The following HS6ST2 variants were observed in gnomAD, a reference collection of about 807,000 sequenced individuals.
The protein encoded by HS6ST2 is heparan sulfate 6-O-sulfotransferase 2.
In HS6ST2, 17 loss-of-function variants were observed where a neutral mutation model predicts 33.0. The observed-to-expected ratio is 0.52, with a 90% CI of 0.35 to 0.77. HS6ST2 has a LOEUF of 0.77. HS6ST2 is among the 30% of genes least tolerant of loss of function. The pLI, the probability that HS6ST2 is intolerant of heterozygous loss-of-function variation, is 0.01. For synonymous variants in HS6ST2, 248 were observed against 237.1 expected, an observed-to-expected ratio of 1.05 and a Z score of -0.42; for missense variants, 519 against 551.7, an observed-to-expected ratio of 0.94 and a Z score of 0.59.
At chrX:132,875,783 T>C (rs1412088078) in intron 2 of HS6ST2, among the ~76,000 whole-genome samples, 2 of 112,367 alleles carry the variant, frequency 1.8e-5, no homozygotes, top group East Asian at 2.8e-4. Flanking sequence ...TAGAAGTAGA[T>C]GTTTTATTTT....
intron 2 of HS6ST2, among the ~76,000 whole-genome samples, chrX:132,938,065 G>A (rs2066844812): frequency 9.3e-6 from 1 of 108,100 alleles, no homozygotes; most frequent in Non-Finnish European, 1.9e-5. Context: ...AAGAGGCTGA[G>A]GTGGGGGGAT....
intron 2 of HS6ST2, among the ~76,000 whole-genome samples, chrX:132,797,270 G>T (rs1602687311): frequency 8.9e-6 from 1 of 111,833 alleles, no homozygotes; most frequent in African/African-American, 3.2e-5. Flanking sequence ...TTGATGGGAA[G>T]ATGCGAAGCT....
At chrX:132,729,445 A>G (rs1378783992) in intron 2 of HS6ST2, among the ~76,000 whole-genome samples, 2 of 111,582 alleles carry the variant, frequency 1.8e-5, no homozygotes, top group Non-Finnish European at 3.8e-5. Context: ...AAAGTGTGGT[A>G]TAAAGACACT....
At chrX:132,669,405 G>C (rs1425465042) in intron 3 of HS6ST2, among the ~76,000 whole-genome samples, 1 of 104,362 alleles carries the variant, frequency 9.6e-6, no homozygotes, top group Non-Finnish European at 1.9e-5. Flanking sequence ...GGGAACCACT[G>C]GTCAAGTTCA....
rs769122045 is a variant in HS6ST2, at chrX:132,957,260, G to A, written c.495C>T (p.Ala165=). The change falls in exon 2 of 5, where the codon GCC becomes GCT. Residue 165 remains alanine, a synonymous_variant. Transcript: ENST00000370833. ...GGCACACGTATTGGAGGACGATCAC[G>A]GCAAATAGGAAGAGCATCACCAAAG... ...LLALVMLFLF[A]VIVLQYVCPG... 3 of 1,190,874 alleles carry A rather than the reference G, an allele frequency of 2.5e-6. No homozygotes were observed. Among genetic ancestry groups the A allele is most frequent in the African/African-American group, 1.7e-5 (1 of 57,362 alleles).
chrX:132,868,740 A>G (rs1017113085), intron 2 of HS6ST2, among the ~76,000 whole-genome samples: 6 of 112,005 alleles, frequency 5.4e-5, no homozygotes, highest in African/African-American at 1.9e-4. Context: ...GACGAGAACA[A>G]AGACACTACA....
intron 3 of HS6ST2, chrX:132,670,033 C>T (rs764871544): frequency 2.2e-4 from 24 of 111,579 alleles, no homozygotes; most frequent in Non-Finnish European, 7.5e-5. Context: ...CCATGGAAAC[C>T]AATTCAAAGC....
chrX:132,713,304 A>G (rs1292521336), intron 2 of HS6ST2, among the ~76,000 whole-genome samples: 1 of 111,149 alleles, frequency 9.0e-6, no homozygotes, highest in Non-Finnish European at 1.9e-5. Context: ...CACAGTCATC[A>G]TACAATACGT....
intron 2 of HS6ST2, among the ~76,000 whole-genome samples, chrX:132,837,218 T>C (rs1439929604): frequency 8.9e-6 from 1 of 112,058 alleles, no homozygotes; most frequent in Non-Finnish European, 1.9e-5. Context: ...ATCTACCAAA[T>C]GAAATTCCAT....
intron 2 of HS6ST2, among the ~76,000 whole-genome samples, chrX:132,763,492 C>T (rs2064820607): frequency 8.9e-6 from 1 of 112,176 alleles, no homozygotes; most frequent in Admixed American, 9.4e-5. Context: ...GCAGACAGTG[C>T]AGACTCGAGA....
chrX:132,832,922 T>C (rs2065604265), intron 2 of HS6ST2, among the ~76,000 whole-genome samples: 1 of 111,683 alleles, frequency 9.0e-6, no homozygotes, highest in Non-Finnish European at 1.9e-5. Context: ...TGTAACATTT[T>C]CATCACTCCC....
At position 132,844,163 on chromosome X, in the gene HS6ST2, G is replaced by T. The variant is rs772264590; in HGVS notation, c.947+112645C>A. 7.2e-5 allele frequency among the ~76,000 whole-genome samples: 8 copies of T among 111,541 alleles called. No homozygotes were observed. In the South Asian group the frequency reaches 3.1e-3, roughly 43 times the overall value. On this transcript the variant is annotated intron_variant, in intron 2 of 4. Transcript: ENST00000370833. ...TAGAGAGGTGGCTTTTAACTTTTTG[G>T]GGGAGTGGGGATGAAGGAGGTTTCC...
At chrX:132,827,524 G>C (rs1052502044) in intron 2 of HS6ST2, among the ~76,000 whole-genome samples, 1 of 110,784 alleles carries the variant, frequency 9.0e-6, no homozygotes, top group African/African-American at 3.3e-5. Context: ...AAAGAAAAGA[G>C]GGAAGGAAAG....
chrX:132,660,113 T>C (rs1357376838), intron 4 of HS6ST2, among the ~76,000 whole-genome samples: 1 of 111,329 alleles, frequency 9.0e-6, no homozygotes, highest in African/African-American at 3.3e-5. Context: ...AAATAATACG[T>C]CTTTTACTTG....
At chrX:132,654,193 G>A (rs1028836986) in intron 4 of HS6ST2, among the ~76,000 whole-genome samples, 6 of 111,165 alleles carry the variant, frequency 5.4e-5, no homozygotes, top group Non-Finnish European at 1.1e-4. Flanking sequence ...GGGCATGATA[G>A]ATATATTTAT....
chrX:132,959,279 C>T (rs1286322889), upstream of HS6ST2, among the ~76,000 whole-genome samples: 1 of 112,067 alleles, frequency 8.9e-6, no homozygotes, highest in Non-Finnish European at 1.9e-5. Flanking sequence ...TGCTGCTGGA[C>T]CAGGAATGCA....
chrX:132,657,736 A>G (rs904102864), intron 4 of HS6ST2, among the ~76,000 whole-genome samples: 2 of 105,788 alleles, frequency 1.9e-5, no homozygotes, highest in Non-Finnish European at 3.9e-5. Context: ...GTGGCAGCAT[A>G]CTATTAGGTT....
chrX:132,742,441 G>A (rs1202470669), intron 2 of HS6ST2, among the ~76,000 whole-genome samples: 2 of 111,548 alleles, frequency 1.8e-5, no homozygotes, highest in Non-Finnish European at 3.8e-5. Context: ...CAGACCCCAA[G>A]ACCATCAATA....
intron 2 of HS6ST2, among the ~76,000 whole-genome samples, chrX:132,879,812 T>C (rs1055705494): frequency 8.9e-5 from 10 of 111,866 alleles, no homozygotes; most frequent in Non-Finnish European, 1.9e-5. Context: ...CATTGAGTAA[T>C]GGGGGAGACA....
Sources: allele counts gnomAD v4.1 joint callset (sites outside exome capture counted in the v4.1 genomes callset), GRCh38; gene constraint gnomAD v4.1.1; transcripts MANE v1.5; gene names NCBI Gene and HGNC (gene_info 2026-07-23, HGNC 2026-07-21).